Variants in DENND5B observed in about 807,000 individuals in gnomAD.
The protein encoded by DENND5B is DENN domain containing 5B, also known as DENN domain-containing protein 5B.
In DENND5B, 34 loss-of-function variants were observed where a neutral mutation model predicts 140.6. The observed-to-expected ratio is 0.24, with a 90% CI of 0.18 to 0.32. DENND5B has a LOEUF of 0.32. Among genes scored for constraint, DENND5B ranks in the 10% least tolerant of loss-of-function variants. The pLI is 1.00. For missense variants in DENND5B, 1,142 were observed against 1,560.2 expected, an observed-to-expected ratio of 0.73 and a Z score of 4.52; for synonymous variants, 551 against 562.1, an observed-to-expected ratio of 0.98 and a Z score of 0.28.
intron 5 of DENND5B, among the ~76,000 whole-genome samples, chr12:31,449,881 C>T (rs1311536867): frequency 6.6e-6 from 1 of 151,922 alleles, no homozygotes; most frequent in Non-Finnish European, 1.5e-5. Flanking sequence ...TAGGTGCCTG[C>T]CACCACGCCC....
intron 1 of DENND5B, among the ~76,000 whole-genome samples, chr12:31,571,035 C>T (rs1949805544): frequency 6.6e-6 from 1 of 152,216 alleles, no homozygotes; most frequent in African/African-American, 2.4e-5. Flanking sequence ...TCCGCATTCT[C>T]GGCTGCAAGT....
chr12:31,570,649 T>C (rs2139394764), intron 1 of DENND5B, among the ~76,000 whole-genome samples: 1 of 152,154 alleles, frequency 6.6e-6, no homozygotes, highest in East Asian at 1.9e-4. Context: ...AAAAAGATTT[T>C]AGTAATTTTT....
chr12:31,405,064 GCTAA>G (rs1942045755), intron 14 of DENND5B, among the ~76,000 whole-genome samples: 1 of 151,234 alleles, frequency 6.6e-6, no homozygotes, highest in African/African-American at 2.4e-5. Context: ...CCGGCCCCTA[GCTAA>G]CTTTTTAATT....
Position 31,387,531 on chromosome 12 carries a change from C to T in DENND5B, c.*72G>A. On this transcript the variant is annotated 3_prime_UTR_variant, in exon 21 of 21. Coordinates refer to ENST00000389082, the MANE Select transcript of DENND5B (RefSeq NM_144973.4). ...TGCCCCTGCAGTGACTCACTACTGT[C>T]AGACAAGTCCAAATCGGTCCCCTAG... 6.6e-7 allele frequency: 1 copy of T among 1,522,116 alleles called. No homozygotes were observed. The highest frequency in any genetic ancestry group is 1.9e-5 in the Admixed American group (1 of 53,306). The allele number at this position is 1,522,116 out of a possible 1,614,324, so 94.3% of individuals were successfully genotyped here.
intron 8 of DENND5B, 157 bp downstream of exon 8, chr12:31,432,998 G>A (rs1943579157): frequency 1.7e-6 from 1 of 600,318 alleles, no homozygotes; most frequent in East Asian, 3.1e-5. Context: ...GGTGTTTTCT[G>A]CTATATGTCC....
At chr12:31,388,371 G>A (rs1228106721) in intron 20 of DENND5B, among the ~76,000 whole-genome samples, 1 of 151,858 alleles carries the variant, frequency 6.6e-6, no homozygotes, top group East Asian at 1.9e-4. Context: ...GATAAAAGGA[G>A]ATAAAGATCA....
intron 1 of DENND5B, among the ~76,000 whole-genome samples, chr12:31,575,947 C>T (rs1285190995): frequency 1.3e-5 from 2 of 151,750 alleles, no homozygotes; most frequent in Non-Finnish European, 2.9e-5. Context: ...GCCTGGGAGA[C>T]AGAGCAAGAC....
At chr12:31,390,376 C>A (rs377166811) in intron 19 of DENND5B, among the ~76,000 whole-genome samples, 4 of 152,226 alleles carry the variant, frequency 2.6e-5, no homozygotes, top group African/African-American at 7.2e-5. Flanking sequence ...TGGTGGCTCA[C>A]GCCTGTAATC....
At chr12:31,485,499 C>G (rs567470748) in intron 2 of DENND5B, among the ~76,000 whole-genome samples, 1 of 152,362 alleles carries the variant, frequency 6.6e-6, no homozygotes, top group East Asian at 1.9e-4. Context: ...TGTGCTTGAG[C>G]CTAGTTATGA....
At chr12:31,520,943 T>C (rs1056275189) in intron 1 of DENND5B, among the ~76,000 whole-genome samples, 4 of 152,298 alleles carry the variant, frequency 2.6e-5, no homozygotes, top group African/African-American at 4.8e-5. Flanking sequence ...GTAATAAACA[T>C]ACAAAAATGT....
chr12:31,472,873 G>A (rs1205463279), intron 3 of DENND5B, among the ~76,000 whole-genome samples: 1 of 152,042 alleles, frequency 6.6e-6, no homozygotes, highest in African/African-American at 2.4e-5. Context: ...AAATAATCAA[G>A]GGATGGAGAA....
At chr12:31,539,341 T>C (rs1357480531) in intron 1 of DENND5B, among the ~76,000 whole-genome samples, 1 of 152,126 alleles carries the variant, frequency 6.6e-6, no homozygotes, top group Non-Finnish European at 1.5e-5. Flanking sequence ...CAAACTATTC[T>C]GAAAACTAGA....
chr12:31,550,495 T>C (rs1419270863), intron 1 of DENND5B, among the ~76,000 whole-genome samples: 1 of 152,088 alleles, frequency 6.6e-6, no homozygotes, highest in Non-Finnish European at 1.5e-5. Flanking sequence ...TCCAAGTCTT[T>C]GCTATTGTGA....
At chr12:31,411,336 CTTTTT>C (rs143130029) in intron 13 of DENND5B, among the ~76,000 whole-genome samples, 4 of 62,120 alleles carry the variant, frequency 6.4e-5, no homozygotes, top group Admixed American at 2.6e-4. Flanking sequence ...CACGCCCGGC[CTTTTT>C]TTTTTTTTTT....
intron 4 of DENND5B, among the ~76,000 whole-genome samples, chr12:31,457,223 A>G (rs1944816014): frequency 6.6e-6 from 1 of 152,258 alleles, no homozygotes; most frequent in South Asian, 2.1e-4. Flanking sequence ...AAAGTGAGGT[A>G]CATTCCATGC....
chr12:31,536,327 C>T (rs1271127), intron 1 of DENND5B, among the ~76,000 whole-genome samples: 11,871 of 151,890 alleles, frequency 0.078, 1,053 homozygotes, highest in African/African-American at 0.22. Context: ...CAAGATAACA[C>T]GGAGAAGGAG....
At chr12:31,578,635 C>T (rs1950105715) in intron 1 of DENND5B, among the ~76,000 whole-genome samples, 1 of 152,210 alleles carries the variant, frequency 6.6e-6, no homozygotes. Context: ...ATCCATTCCA[C>T]TTATTTTAAA....
intron 1 of DENND5B, among the ~76,000 whole-genome samples, chr12:31,514,226 T>G (rs1947532602): frequency 1.3e-5 from 2 of 152,194 alleles, no homozygotes; most frequent in South Asian, 4.1e-4. Context: ...ATAAAATGTT[T>G]AAATCTTTTA....
chr12:31,408,483 C>T (rs190900741), intron 14 of DENND5B, among the ~76,000 whole-genome samples: 19 of 151,462 alleles, frequency 1.3e-4, no homozygotes, highest in East Asian at 1.2e-3. Context: ...AAAAATTAGC[C>T]GGGTGTGGTG....
Sources: allele counts gnomAD v4.1 joint callset (sites outside exome capture counted in the v4.1 genomes callset), GRCh38; gene constraint gnomAD v4.1.1; transcripts MANE v1.5; gene names NCBI Gene and HGNC (gene_info 2026-07-23, HGNC 2026-07-21).